The following AFF3 variants were observed in gnomAD, a reference collection of about 807,000 sequenced individuals.
AFF3 encodes the protein ALF transcription elongation factor 3.
AFF3 carries 32 observed loss-of-function variants against 129.7 expected under a neutral mutation model. That is an observed-to-expected ratio of 0.25 (90% CI 0.19 to 0.33). AFF3 has a LOEUF of 0.33. Among genes scored for constraint, AFF3 ranks in the 10% least tolerant of loss-of-function variants. The probability of loss-of-function intolerance (pLI) is 1.00; values close to 1 mark genes in which losing one functional copy is unlikely to be tolerated. For synonymous variants in AFF3, 644 were observed against 635.4 expected (o/e 1.01, Z -0.20); for missense variants, 1,373 against 1,592.0 (o/e 0.86, Z 2.34).
chr2:99,700,043 G>C (rs1281200934), intron 11 of AFF3, among the ~76,000 whole-genome samples: 1 of 152,060 alleles, frequency 6.6e-6, no homozygotes, highest in Non-Finnish European at 1.5e-5. Context: ...ATGATGTTTT[G>C]GGCAGTATCT....
chr2:99,741,412 T>C (rs62150082), intron 10 of AFF3, among the ~76,000 whole-genome samples: 3,566 of 152,260 alleles, frequency 0.023, 57 homozygotes, highest in Non-Finnish European at 0.031. Context: ...ACAAGCATTC[T>C]TATACACCAA....
chr2:99,727,227 T>C, intron 10 of AFF3, 99 bp from the exon 11 acceptor site: 1 of 1,200,562 alleles, frequency 8.3e-7, no homozygotes, highest in Non-Finnish European at 1.2e-6. Flanking sequence ...TTAACAATCT[T>C]TCAAAATGTG....
At chr2:99,622,129 C>A (rs1485750524) in intron 13 of AFF3, among the ~76,000 whole-genome samples, 1 of 152,090 alleles carries the variant, frequency 6.6e-6, no homozygotes, top group Non-Finnish European at 1.5e-5. Context: ...CAATACAGGA[C>A]CAGGGGTCTC....
intron 1 of AFF3, among the ~76,000 whole-genome samples, chr2:100,129,918 A>G (rs1316877477): frequency 2.0e-5 from 3 of 152,200 alleles, no homozygotes; most frequent in African/African-American, 7.2e-5. Flanking sequence ...ATATTATTTT[A>G]TAGTGGGAGG....
At chr2:100,001,426 T>C (rs1681395798) in intron 7 of AFF3, among the ~76,000 whole-genome samples, 1 of 152,164 alleles carries the variant, frequency 6.6e-6, no homozygotes, top group African/African-American at 2.4e-5. Context: ...TCTGTTTTGT[T>C]TTTTGGTTTT....
At chr2:99,812,126 C>T (rs764376854) in intron 8 of AFF3, among the ~76,000 whole-genome samples, 18 of 152,160 alleles carry the variant, frequency 1.2e-4, no homozygotes, top group Non-Finnish European at 2.2e-4. Context: ...CAAAGAGATG[C>T]CCTGATGATT....
At chr2:99,852,761 T>C (rs1690243922) in intron 7 of AFF3, among the ~76,000 whole-genome samples, 1 of 152,226 alleles carries the variant, frequency 6.6e-6, no homozygotes, top group Non-Finnish European at 1.5e-5. Context: ...TTACGATTCC[T>C]TTCAGCATGA....
intron 2 of AFF3, chr2:100,106,346 G>T: frequency 1.7e-6 from 2 of 1,154,194 alleles, no homozygotes; most frequent in Non-Finnish European, 2.2e-6. Flanking sequence ...AAGAAGATTA[G>T]GTAAAAACAT....
chr2:100,111,529 A>G (rs562692402), intron 2 of AFF3, among the ~76,000 whole-genome samples: 1 of 152,318 alleles, frequency 6.6e-6, no homozygotes, highest in African/African-American at 2.4e-5. Context: ...TAACCTGGTT[A>G]AGTTGCTGTG....
At chr2:99,969,382 A>G (rs1678113692) in intron 7 of AFF3, among the ~76,000 whole-genome samples, 1 of 152,260 alleles carries the variant, frequency 6.6e-6, no homozygotes, top group Non-Finnish European at 1.5e-5. Flanking sequence ...TCCTTTGTCT[A>G]TGAAGACAGA....
intron 7 of AFF3, among the ~76,000 whole-genome samples, chr2:99,892,676 C>G (rs1404246464): frequency 6.6e-6 from 1 of 152,160 alleles, no homozygotes; most frequent in Non-Finnish European, 1.5e-5. Flanking sequence ...AACACCTGCC[C>G]TGGACGGCAG....
At chr2:99,806,686 C>T (rs956331062) in intron 8 of AFF3, among the ~76,000 whole-genome samples, 1 of 152,136 alleles carries the variant, frequency 6.6e-6, no homozygotes, top group Non-Finnish European at 1.5e-5. Context: ...TCTTCATATA[C>T]CTGTCTCCAC....
chr2:99,619,755 C>G (rs1681808844), intron 13 of AFF3, among the ~76,000 whole-genome samples: 1 of 152,174 alleles, frequency 6.6e-6, no homozygotes, highest in Non-Finnish European at 1.5e-5. Flanking sequence ...TGCTGCGATT[C>G]TCACACACAG....
rs542385574 is a variant in AFF3 at position 99,789,298 on chromosome 2, T to C, written c.922-36997A>G. Among the ~76,000 whole-genome samples, 132 of 151,932 alleles carry C rather than the reference T, an allele frequency of 8.7e-4. 1 individual carries two copies. Among genetic ancestry groups the C allele is most frequent in the Middle Eastern group, 3.4e-3 (1 of 294 alleles). ...AAAATTATCTGGGCATGGCAGTGCA[T>C]GTAGCTGGGCAAGGTGGTACATGCC... is the stretch of plus-strand genomic sequence containing the variant. On this transcript the variant is annotated intron_variant, in intron 8 of 24. Coordinates refer to ENST00000672756, the MANE Select transcript of AFF3 (RefSeq NM_001386135.1).
At chr2:100,058,551 C>T (rs1325028766) in intron 4 of AFF3, among the ~76,000 whole-genome samples, 17 of 152,166 alleles carry the variant, frequency 1.1e-4, no homozygotes, top group Non-Finnish European at 2.4e-4. Flanking sequence ...TCATTAGGGA[C>T]TCAGTATCCG....
At chr2:99,997,815 G>A (rs1207692806) in intron 7 of AFF3, among the ~76,000 whole-genome samples, 1 of 152,120 alleles carries the variant, frequency 6.6e-6, no homozygotes, top group African/African-American at 2.4e-5. Context: ...CACCTGGCAT[G>A]TGCCTTCTCC....
intron 12 of AFF3, among the ~76,000 whole-genome samples, chr2:99,659,656 T>A (rs748500122): frequency 1.2e-4 from 19 of 152,148 alleles, no homozygotes; most frequent in Non-Finnish European, 2.6e-4. Context: ...TCCAGATAGT[T>A]CCAGCCTTGG....
At chr2:99,868,045 G>A (rs1439832320) in intron 7 of AFF3, among the ~76,000 whole-genome samples, 10 of 148,152 alleles carry the variant, frequency 6.7e-5, no homozygotes, top group Non-Finnish European at 1.2e-4. Flanking sequence ...GTCCTTTGAC[G>A]GCAGCTCGTG....
intron 7 of AFF3, among the ~76,000 whole-genome samples, chr2:99,867,938 C>T (rs1389675304): frequency 1.3e-5 from 2 of 151,854 alleles, no homozygotes; most frequent in African/African-American, 4.8e-5. Flanking sequence ...GAGGCGGGCA[C>T]GTGGAGGGAG....
Sources: gnomAD v4.1 joint callset for allele counts (sites outside exome capture counted in the v4.1 genomes callset) on GRCh38, gnomAD v4.1.1 for gene constraint, MANE v1.5 for transcripts, NCBI Gene and HGNC (gene_info 2026-07-23, HGNC 2026-07-21) for gene names.